Variants in KCNB2 observed in about 807,000 individuals in gnomAD.
KCNB2 encodes the protein potassium voltage-gated channel subfamily B member 2.
KCNB2 carries 15 observed loss-of-function variants against 61.5 expected under a neutral mutation model. The observed-to-expected ratio is 0.24, with a 90% CI of 0.16 to 0.38. The LOEUF (loss-of-function observed/expected upper bound fraction) is 0.38, where lower values mean the gene tolerates loss of function less well. Among genes scored for constraint, KCNB2 ranks in the 10% least tolerant of loss-of-function variants. The probability of loss-of-function intolerance (pLI) is 1.00; values close to 1 mark genes in which losing one functional copy is unlikely to be tolerated. For missense variants in KCNB2, 828 were observed against 1,125.2 expected (o/e 0.74, Z 3.78); for synonymous variants, 457 against 446.0 (o/e 1.02, Z -0.31).
chr8:72,890,708 A>C (rs1177443925), intron 2 of KCNB2, among the ~76,000 whole-genome samples: 1 of 152,196 alleles, frequency 6.6e-6, no homozygotes, highest in Non-Finnish European at 1.5e-5. Flanking sequence ...AGGCTCAGAG[A>C]AGTCAGGTAG....
At chr8:72,572,362 A>G (rs761782032) in intron 2 of KCNB2, among the ~76,000 whole-genome samples, 1 of 152,168 alleles carries the variant, frequency 6.6e-6, no homozygotes, top group Non-Finnish European at 1.5e-5. Context: ...AGCAGGAGGC[A>G]AAATCTGCGG....
intron 2 of KCNB2, among the ~76,000 whole-genome samples, chr8:72,893,478 A>G (rs1469426381): frequency 1.3e-5 from 2 of 152,210 alleles, no homozygotes; most frequent in Admixed American, 1.3e-4. Flanking sequence ...ATTAAGAGCT[A>G]AAATTTAACC....
chr8:72,802,024 C>A (rs16938385), intron 2 of KCNB2, among the ~76,000 whole-genome samples: 4,246 of 152,214 alleles, frequency 0.028, 122 homozygotes, highest in African/African-American at 0.073. Context: ...ATTATTAGTC[C>A]TGTTAGCCTG....
chr8:72,778,777 A>AAAAAG (rs1198021046), intron 2 of KCNB2, among the ~76,000 whole-genome samples: 28 of 139,816 alleles, frequency 2.0e-4, no homozygotes, highest in African/African-American at 5.7e-4. Context: ...AGAAAGAAAG[A>AAAAAG]AAAAGAAAAG....
At chr8:72,746,469 C>A (rs556849605) in intron 2 of KCNB2, among the ~76,000 whole-genome samples, 1 of 152,086 alleles carries the variant, frequency 6.6e-6, no homozygotes, top group Non-Finnish European at 1.5e-5. Flanking sequence ...AGAAAAGACA[C>A]CAACAAACAA....
chr8:72,549,437 A>G (rs1198706159), intron 1 of KCNB2, among the ~76,000 whole-genome samples: 1 of 152,216 alleles, frequency 6.6e-6, no homozygotes, highest in African/African-American at 2.4e-5. Context: ...GTTCTTAAAC[A>G]TCTTGACTCA....
At chr8:72,585,091 G>A (rs1480233035) in intron 2 of KCNB2, among the ~76,000 whole-genome samples, 1 of 152,198 alleles carries the variant, frequency 6.6e-6, no homozygotes, top group African/African-American at 2.4e-5. Flanking sequence ...GAGTCTTGCT[G>A]AAGACTGAAT....
intron 2 of KCNB2, among the ~76,000 whole-genome samples, chr8:72,733,535 AT>A (rs1807786065): frequency 6.6e-6 from 1 of 152,144 alleles, no homozygotes; most frequent in Non-Finnish European, 1.5e-5. Flanking sequence ...CTGAGTCATC[AT>A]TTCCTCATCT....
At chr8:72,621,813 TC>T (rs1265076843) in intron 2 of KCNB2, among the ~76,000 whole-genome samples, 2 of 152,216 alleles carry the variant, frequency 1.3e-5, no homozygotes, top group East Asian at 3.8e-4. Context: ...TGGCATGATT[TC>T]ACTATCCTTT....
intron 2 of KCNB2, chr8:72,619,409 C>T: frequency 2.4e-6 from 1 of 418,222 alleles, no homozygotes; most frequent in South Asian, 2.3e-5. Context: ...ACCAGGTAGA[C>T]ATCCCTGTCC....
Position 72,561,747 on chromosome 8 carries a change from GTATA to G in KCNB2, c.-93-5885_-93-5882del, listed in dbSNP as rs1320328900. Among the ~76,000 whole-genome samples, 6 of 16,042 alleles carry G rather than the reference GTATA, an allele frequency of 3.7e-4. 1 individual carries two copies. The highest frequency in any genetic ancestry group is 1.4e-3 in the African/African-American group (4 of 2,792). 10.5% of individuals were successfully genotyped at this position (16,042 alleles called of 152,430 possible). Reference sequence around the variant, plus strand: ...TATATATCTATATCTATATATATATGTATATATATATATGGATATATATATATAT... The same window carrying G: ...TATATATCTATATCTATATATATATGTATATATATGGATATATATATATAT... On this transcript the variant is annotated intron_variant, in intron 1 of 2. Coordinates refer to ENST00000523207, the MANE Select transcript of KCNB2 (RefSeq NM_004770.3).
chr8:72,747,083 A>G (rs1808085626), intron 2 of KCNB2, among the ~76,000 whole-genome samples: 1 of 152,012 alleles, frequency 6.6e-6, no homozygotes, highest in Non-Finnish European at 1.5e-5. Context: ...GTTTTTTTAT[A>G]CTCACAGATC....
chr8:72,764,948 G>A (rs766919589), intron 2 of KCNB2, among the ~76,000 whole-genome samples: 13 of 152,148 alleles, frequency 8.5e-5, no homozygotes, highest in Non-Finnish European at 1.9e-4. Flanking sequence ...CCAGCACAGA[G>A]TACGAACTGG....
chr8:72,744,119 G>A (rs1421148825), intron 2 of KCNB2, among the ~76,000 whole-genome samples: 1 of 152,076 alleles, frequency 6.6e-6, no homozygotes, highest in Non-Finnish European at 1.5e-5. Flanking sequence ...AAGTGATTTA[G>A]GGATACTATT....
chr8:72,616,566 G>A (rs980641211), intron 2 of KCNB2, among the ~76,000 whole-genome samples: 1 of 152,074 alleles, frequency 6.6e-6, no homozygotes, highest in Non-Finnish European at 1.5e-5. Flanking sequence ...CCATGCAAAG[G>A]AACCCCTTTC....
intron 1 of KCNB2, among the ~76,000 whole-genome samples, chr8:72,566,160 A>G (rs1457827169): frequency 6.6e-6 from 1 of 152,224 alleles, no homozygotes; most frequent in Non-Finnish European, 1.5e-5. Flanking sequence ...CTGGAATATA[A>G]TGATGAGGGA....
At chr8:72,626,799 G>C (rs1226934133) in intron 2 of KCNB2, among the ~76,000 whole-genome samples, 2 of 152,224 alleles carry the variant, frequency 1.3e-5, no homozygotes, top group African/African-American at 4.8e-5. Flanking sequence ...CACAGTGTCA[G>C]ATGCTGTGTT....
chr8:72,677,552 C>G (rs1167081927), intron 2 of KCNB2, among the ~76,000 whole-genome samples: 1 of 152,178 alleles, frequency 6.6e-6, no homozygotes, highest in Admixed American at 6.5e-5. Context: ...TTCTTTGGAA[C>G]TGATTCCAAT....
chr8:72,826,508 T>C (rs1421206659), intron 2 of KCNB2, among the ~76,000 whole-genome samples: 1 of 152,174 alleles, frequency 6.6e-6, no homozygotes, highest in Non-Finnish European at 1.5e-5. Flanking sequence ...TGGACAGCTG[T>C]TCCCGTACCT....
Sources: gnomAD v4.1 joint callset for allele counts (sites outside exome capture counted in the v4.1 genomes callset) on GRCh38, gnomAD v4.1.1 for gene constraint, MANE v1.5 for transcripts, NCBI Gene and HGNC (gene_info 2026-07-23, HGNC 2026-07-21) for gene names.